PIWIL1: variants seen among roughly 807,000 people sequenced by gnomAD.
The protein encoded by PIWIL1 is piwi like RNA-mediated gene silencing 1, also known as piwi-like protein 1.
In PIWIL1, 73 loss-of-function variants were observed where a neutral mutation model predicts 114.4. The ratio of observed to expected loss-of-function variants is 0.64; its 90% CI spans 0.53 to 0.78. PIWIL1 has a LOEUF of 0.78. Ranked by LOEUF, PIWIL1 falls within the 30% of genes least tolerant of loss-of-function variation. The pLI is 0.00. For missense variants in PIWIL1, 723 were observed against 1,063.1 expected (o/e 0.68, Z 4.45); for synonymous variants, 375 against 369.0 (o/e 1.02, Z -0.19).
At chr12:130,403,682 G>GA in the PIWIL1 span, among the ~76,000 whole-genome samples, 143,345 of 152,164 alleles carry the variant, frequency 0.94, 68,094 homozygotes, top group East Asian at 1. Context: ...CTAAAGCATA[G>GA]AAAAAGGTTG....
rs143665312 is a variant in PIWIL1 at position 130,345,856 on chromosome 12, C to T, written c.294C>T (p.Asp98=). The change falls in exon 4 of 21, where the codon GAC becomes GAT. Residue 98 remains aspartate, a synonymous_variant. Transcript: ENST00000245255. ...GTGTGAATACAAGGCAGAACCTAGA[C>T]CATGTTAAAGAATCAAAAACAGGTA... ...DLGVNTRQNL[D]HVKESKTGSS... is the part of the protein sequence containing the mutation. The T allele has an allele frequency of 4.6e-4, 737 of 1,613,520 alleles. No individual in the cohort carries two copies. Among genetic ancestry groups the T allele is most frequent in the Non-Finnish European group, 5.3e-4 (627 of 1,179,840 alleles).
At chr12:130,414,402 C>A in the PIWIL1 span, 8 of 1,261,718 alleles carry the variant, frequency 6.3e-6, no homozygotes, top group African/African-American at 3.0e-5. Context: ...AGGATGGCAG[C>A]GGTTCCTTGA....
chr12:130,369,411 C>G (rs979518369), intron 19 of PIWIL1, among the ~76,000 whole-genome samples: 2 of 152,272 alleles, frequency 1.3e-5, no homozygotes, highest in South Asian at 4.1e-4. Flanking sequence ...GGTATATACC[C>G]AGTAATGGGA....
Position 130,337,924 on chromosome 12 carries a change from C to A in PIWIL1, c.-235C>A. 1 of 161,208 alleles carries A rather than the reference C, an allele frequency of 6.2e-6. No homozygotes were observed. Among genetic ancestry groups the A allele is most frequent in the Non-Finnish European group, 1.3e-5 (1 of 74,300 alleles). 10.0% of individuals were successfully genotyped at this position (161,208 alleles called of 1,614,324 possible). A position where few individuals can be genotyped will look rare whatever the true frequency, so the allele number is the denominator to read the frequency against. Reference sequence around the variant, plus strand: ...ATGGCGTACAGACACGAGGCCGGCGCCCGGGAGGCGGTGTTCATCCGCCCG... The same window carrying A: ...ATGGCGTACAGACACGAGGCCGGCGACCGGGAGGCGGTGTTCATCCGCCCG... On this transcript the variant is annotated 5_prime_UTR_variant, in exon 1 of 21. Coordinates refer to ENST00000245255, the MANE Select transcript of PIWIL1 (RefSeq NM_004764.5).
At chr12:130,399,057 G>A in the PIWIL1 span, 3 of 909,978 alleles carry the variant, frequency 3.3e-6, no homozygotes, top group South Asian at 3.2e-5. Flanking sequence ...TACCACACTG[G>A]CCCGGTTAAG....
chr12:130,401,665 C>G, the PIWIL1 span, among the ~76,000 whole-genome samples: 1 of 151,934 alleles, frequency 6.6e-6, no homozygotes, highest in Admixed American at 6.6e-5. Context: ...TCTAGGCCAC[C>G]TATCCTTTTT....
downstream of PIWIL1, among the ~76,000 whole-genome samples, chr12:130,373,272 C>T (rs748608357): frequency 1.6e-4 from 24 of 152,156 alleles, no homozygotes; most frequent in Non-Finnish European, 2.4e-4. Flanking sequence ...TCTAATCATA[C>T]GACTGGAAAA....
At chr12:130,384,202 G>A in the PIWIL1 span, among the ~76,000 whole-genome samples, 2 of 152,220 alleles carry the variant, frequency 1.3e-5, no homozygotes, top group African/African-American at 4.8e-5. Flanking sequence ...TCAAACAGAT[G>A]TGTGTGTGGC....
At chr12:130,404,924 C>T in the PIWIL1 span, among the ~76,000 whole-genome samples, 12,787 of 151,950 alleles carry the variant, frequency 0.084, 847 homozygotes, top group East Asian at 0.19. Flanking sequence ...AATTTTAAAA[C>T]GTATTCATTT....
At chr12:130,374,898 C>A (rs992627674), downstream of PIWIL1, among the ~76,000 whole-genome samples, 6 of 152,180 alleles carry the variant, frequency 3.9e-5, no homozygotes, top group African/African-American at 1.4e-4. Context: ...TTACATCTCC[C>A]TTTAACAAAC....
the PIWIL1 span, chr12:130,424,180 G>T: frequency 8.1e-7 from 1 of 1,232,058 alleles, no homozygotes; most frequent in Admixed American, 4.2e-5. This position sits in a 1 kb window ranked among gnomAD's most constrained non-coding sequence, Gnocchi z 9.8. Flanking sequence ...GGCTTTGCGT[G>T]GGGGGCAGCT....
intron 19 of PIWIL1, among the ~76,000 whole-genome samples, chr12:130,369,329 G>A (rs2073755537): frequency 6.6e-6 from 1 of 152,104 alleles, no homozygotes; most frequent in Non-Finnish European, 1.5e-5. Flanking sequence ...CCATGTCTTT[G>A]CTATTGTGAA....
At chr12:130,417,042 T>C in the PIWIL1 span, among the ~76,000 whole-genome samples, 3 of 152,202 alleles carry the variant, frequency 2.0e-5, no homozygotes, top group African/African-American at 7.2e-5. Context: ...CACAATGAGA[T>C]ACCATCTCAC....
chr12:130,398,039 T>A, the PIWIL1 span: 1 of 152,044 alleles, frequency 6.6e-6, no homozygotes, highest in Non-Finnish European at 1.5e-5. Context: ...GCACACTGGT[T>A]GAAAGAAAAA....
chr12:130,349,706 G>T, intron 8 of PIWIL1, 150 bp from the exon 9 acceptor site: 1 of 596,152 alleles, frequency 1.7e-6, no homozygotes, highest in South Asian at 2.3e-5. Context: ...ATCTGGCATA[G>T]TCTGTAAGAA....
At chr12:130,371,449 G>A in intron 20 of PIWIL1, 33 bp from the exon 21 acceptor site, 1 of 1,609,442 alleles carries the variant, frequency 6.2e-7, no homozygotes, top group Non-Finnish European at 8.5e-7. Flanking sequence ...GCTAAGTCTA[G>A]AGTAATAGAA....
chr12:130,392,296 T>G, the PIWIL1 span, among the ~76,000 whole-genome samples: 4 of 144,974 alleles, frequency 2.8e-5, no homozygotes, highest in African/African-American at 7.8e-5. Context: ...AACGTTGTGA[T>G]GACCCGGTCA....
chr12:130,353,881 A>G (rs1478599769), intron 9 of PIWIL1, among the ~76,000 whole-genome samples: 1 of 151,660 alleles, frequency 6.6e-6, no homozygotes, highest in Non-Finnish European at 1.5e-5. Context: ...AGCCAAGATC[A>G]TGCCACTGCA....
chr12:130,350,678 G>A (rs1370507762), intron 9 of PIWIL1, among the ~76,000 whole-genome samples: 5 of 152,138 alleles, frequency 3.3e-5, no homozygotes, highest in Non-Finnish European at 2.9e-5. Flanking sequence ...TGTTAAAAGC[G>A]CAGGAAGATT....
Sources: gnomAD v4.1 joint callset for allele counts (sites outside exome capture counted in the v4.1 genomes callset) on GRCh38, gnomAD v4.1.1 for gene constraint, Gnocchi (gnomAD v3.1) non-coding constraint, MANE v1.5 for transcripts, NCBI Gene and HGNC (gene_info 2026-07-23, HGNC 2026-07-21) for gene names.